VEZT: variants seen among roughly 807,000 people sequenced by gnomAD.
VEZT encodes the protein vezatin, adherens junctions transmembrane protein, also known as vezatin.
VEZT carries 39 observed loss-of-function variants against 79.9 expected under a neutral mutation model. The observed-to-expected ratio is 0.49, with a 90% CI of 0.38 to 0.64. The LOEUF is 0.64. Ranked by LOEUF, VEZT falls within the 30% of genes least tolerant of loss-of-function variation. The probability of loss-of-function intolerance (pLI) is 0.00; values close to 1 mark genes in which losing one functional copy is unlikely to be tolerated. For synonymous variants in VEZT, 325 were observed against 327.6 expected, an observed-to-expected ratio of 0.99 and a Z score of 0.09; for missense variants, 837 against 893.1, an observed-to-expected ratio of 0.94 and a Z score of 0.80.
chr12:95,233,101 C>A lies in VEZT; in HGVS notation c.36+15215C>A, dbSNP rs79411234. On this transcript the variant is annotated intron_variant, in intron 1 of 11. Transcript: ENST00000436874. ...GATTATAGGGGTGAGCCACTGCATCCACCCCATTGTTAGTTTTTATATGGG... is the reference window on the plus strand; with the variant it reads ...GATTATAGGGGTGAGCCACTGCATCAACCCCATTGTTAGTTTTTATATGGG... 7.0e-4 allele frequency among the ~76,000 whole-genome samples: 106 copies of A among 152,026 alleles called. 2 individuals are homozygous for A. In the East Asian group the frequency reaches 0.015, roughly 21 times the overall value.
chr12:95,266,739 G>C (rs1033639676), intron 5 of VEZT, 107 bp downstream of exon 5: 8 of 1,212,420 alleles, frequency 6.6e-6, no homozygotes, highest in Non-Finnish European at 8.9e-6. Context: ...GGAAAAAAAA[G>C]TGCTTTTCTC....
chr12:95,247,958 C>T (rs2061942338), intron 1 of VEZT, among the ~76,000 whole-genome samples: 1 of 152,108 alleles, frequency 6.6e-6, no homozygotes, highest in Admixed American at 6.6e-5. Flanking sequence ...ATTAAACCTG[C>T]AATACATTCA....
intron 1 of VEZT, chr12:95,244,086 T>G (rs1421600745): frequency 2.4e-6 from 1 of 420,306 alleles, no homozygotes; most frequent in Non-Finnish European, 4.6e-6. Context: ...AAAACTCTTT[T>G]TTTTTTTTCC....
chr12:95,286,293 C>T, intron 8 of VEZT: 1 of 363,356 alleles, frequency 2.8e-6, no homozygotes, highest in East Asian at 8.1e-5. Flanking sequence ...TGCCTGACCG[C>T]AAATTTTACA....
chr12:95,253,080 G>A (rs2062873683), intron 2 of VEZT, among the ~76,000 whole-genome samples: 1 of 152,204 alleles, frequency 6.6e-6, no homozygotes, highest in Admixed American at 6.5e-5. Context: ...ATTAGAACCT[G>A]TACTTTACTC....
At chr12:95,221,553 A>G (rs916602485) in intron 1 of VEZT, among the ~76,000 whole-genome samples, 1 of 151,696 alleles carries the variant, frequency 6.6e-6, no homozygotes, top group African/African-American at 2.4e-5. Context: ...AAATAAAGGA[A>G]ATACTCTGGC....
chr12:95,218,203 C>A, intron 1 of VEZT: 1 of 257,836 alleles, frequency 3.9e-6, no homozygotes, highest in Non-Finnish European at 7.4e-6. Context: ...CTGCGCCCGG[C>A]TGGGGCGGGG....
intron 1 of VEZT, among the ~76,000 whole-genome samples, chr12:95,248,392 A>G (rs10161330): frequency 0.4 from 61,379 of 152,060 alleles, 12,847 homozygotes; most frequent in African/African-American, 0.51. Context: ...TCCGAACTGA[A>G]TGTGTATATA....
At chr12:95,226,523 A>G (rs1465883853) in intron 1 of VEZT, among the ~76,000 whole-genome samples, 2 of 152,226 alleles carry the variant, frequency 1.3e-5, no homozygotes, top group African/African-American at 4.8e-5. Flanking sequence ...TTAAAAACTT[A>G]AATCATGCAG....
At chr12:95,248,967 T>C (rs2062104100) in intron 1 of VEZT, among the ~76,000 whole-genome samples, 1 of 152,192 alleles carries the variant, frequency 6.6e-6, no homozygotes, top group South Asian at 2.1e-4. Flanking sequence ...AAAATGTTTT[T>C]AAACAGCTGG....
At chr12:95,257,077 A>G in intron 2 of VEZT, 73 bp from the exon 3 acceptor site, 1 of 1,172,244 alleles carries the variant, frequency 8.5e-7, no homozygotes, top group South Asian at 1.5e-5. Flanking sequence ...GATTGGAGGT[A>G]AGTACTTTGA....
chr12:95,268,443 A>T (rs1285092044), intron 5 of VEZT, among the ~76,000 whole-genome samples: 3 of 152,180 alleles, frequency 2.0e-5, no homozygotes, highest in Non-Finnish European at 4.4e-5. Context: ...GCTTGCAGTG[A>T]GCCGAGATCG....
At chr12:95,288,115 G>T (rs994119733) in intron 9 of VEZT, among the ~76,000 whole-genome samples, 1 of 152,132 alleles carries the variant, frequency 6.6e-6, no homozygotes, top group Admixed American at 6.5e-5. Context: ...TGAAATGAGA[G>T]AATAAATTTT....
intron 9 of VEZT, among the ~76,000 whole-genome samples, chr12:95,288,783 T>C (rs2071687759): frequency 6.6e-6 from 1 of 152,192 alleles, no homozygotes; most frequent in African/African-American, 2.4e-5. Context: ...AATAATTTTT[T>C]CTCCAAAGGA....
At chr12:95,230,479 G>A (rs1374996739) in intron 1 of VEZT, among the ~76,000 whole-genome samples, 1 of 142,034 alleles carries the variant, frequency 7.0e-6, no homozygotes. Flanking sequence ...TGCAAGTATT[G>A]CAATCATAGC....
intron 7 of VEZT, among the ~76,000 whole-genome samples, chr12:95,281,127 CA>C (rs2068986890): frequency 6.6e-6 from 1 of 152,144 alleles, no homozygotes; most frequent in African/African-American, 2.4e-5. Flanking sequence ...TTTCATACTA[CA>C]TTGTTTCCTC....
At chr12:95,225,784 AAAAAAAAAAGAG>A (rs1164246728) in intron 1 of VEZT, among the ~76,000 whole-genome samples, 10 of 90,112 alleles carry the variant, frequency 1.1e-4, no homozygotes, top group East Asian at 3.3e-4. Context: ...AAAAAAAAAA[AAAAAAAAAAGAG>A]AGAGAAGGAT....
At chr12:95,250,802 T>C (rs969238946) in intron 1 of VEZT, among the ~76,000 whole-genome samples, 2 of 151,722 alleles carry the variant, frequency 1.3e-5, no homozygotes, top group African/African-American at 2.4e-5. Flanking sequence ...ACATAGCTTA[T>C]ATATAGTTAA....
intron 10 of VEZT, among the ~76,000 whole-genome samples, chr12:95,295,814 T>A (rs901912091): frequency 1.3e-5 from 2 of 152,206 alleles, no homozygotes; most frequent in Non-Finnish European, 2.9e-5. Flanking sequence ...ACTGAAGTTG[T>A]TAAACTTTTT....
Sources: gnomAD v4.1 joint callset for allele counts (sites outside exome capture counted in the v4.1 genomes callset) on GRCh38, gnomAD v4.1.1 for gene constraint, MANE v1.5 for transcripts, NCBI Gene and HGNC (gene_info 2026-07-23, HGNC 2026-07-21) for gene names.